Variants in CYBB observed in about 807,000 individuals in gnomAD.
CYBB encodes NADPH oxidase 2.
In CYBB, 5 loss-of-function variants were observed where a neutral mutation model predicts 46.5. That is an observed-to-expected ratio of 0.11 (90% CI 0.06 to 0.23). The LOEUF (loss-of-function observed/expected upper bound fraction) is 0.23. Among genes scored for constraint, CYBB ranks in the 10% least tolerant of loss-of-function variants. CYBB has a pLI of 1.00. For missense variants in CYBB, 307 were observed against 428.3 expected (o/e 0.72, Z 2.50); for synonymous variants, 183 against 156.7 (o/e 1.17, Z -1.26).
intron 3 of CYBB, 42 bp downstream of exon 3, chrX:37,783,642 GC>G: frequency 1.1e-6 from 1 of 939,498 alleles, no homozygotes; most frequent in Non-Finnish European, 1.5e-6. Context: ...ATTTTCAAAG[GC>G]CATCAAGCAA....
chrX:37,786,997 A>G (rs1556465712), intron 3 of CYBB, among the ~76,000 whole-genome samples: 1 of 111,320 alleles, frequency 9.0e-6, no homozygotes, highest in Non-Finnish European at 1.9e-5. Flanking sequence ...AAGTCTGTCA[A>G]TTAGTGAGTT....
chrX:37,795,923 T>G (rs1457464833), intron 5 of CYBB, 28 bp from the exon 6 acceptor site: 1 of 979,142 alleles, frequency 1.0e-6, no homozygotes, highest in Non-Finnish European at 1.4e-6. Context: ...TGTGTGTGTG[T>G]GTGTGTGTGT....
At chrX:37,793,115 A>G (rs782267507) in intron 4 of CYBB, among the ~76,000 whole-genome samples, 49 of 105,119 alleles carry the variant, frequency 4.7e-4, no homozygotes, top group African/African-American at 1.6e-3. Flanking sequence ...AGTAAGCCCT[A>G]TGTAAGTGTT....
chrX:37,795,866 A>T (rs1929289453), intron 5 of CYBB, 85 bp from the exon 6 acceptor site: 8 of 708,901 alleles, frequency 1.1e-5, no homozygotes. Flanking sequence ...GCATTTGAGA[A>T]CCTATAATAT....
intron 10 of CYBB, among the ~76,000 whole-genome samples, chrX:37,805,559 CATT>C (rs1929542083): frequency 9.0e-6 from 1 of 111,487 alleles, no homozygotes; most frequent in Non-Finnish European, 1.9e-5. Flanking sequence ...TTTAAAAAAA[CATT>C]ATAGAAAGTG....
intron 8 of CYBB, 110 bp from the exon 9 acceptor site, chrX:37,803,767 A>G: frequency 3.8e-6 from 3 of 779,347 alleles, no homozygotes. Flanking sequence ...GTTGTCCCTA[A>G]AGCAGAGATC....
At chrX:37,805,740 A>G (rs1312389693) in intron 10 of CYBB, among the ~76,000 whole-genome samples, 4 of 110,530 alleles carry the variant, frequency 3.6e-5, no homozygotes, top group Non-Finnish European at 7.6e-5. Flanking sequence ...TTTTTTGCAA[A>G]GGGAGGAGAG....
intron 9 of CYBB, 79 bp downstream of exon 9, chrX:37,804,209 T>C (rs782460760): frequency 1.3e-5 from 13 of 1,031,487 alleles, no homozygotes; most frequent in Non-Finnish European, 1.6e-5. Flanking sequence ...CTCCATGTTT[T>C]ACTAAGTCTC....
chrX:37,806,854 C>T (rs1929571951), intron 11 of CYBB, among the ~76,000 whole-genome samples: 1 of 108,085 alleles, frequency 9.3e-6, no homozygotes, highest in East Asian at 2.9e-4. Context: ...TTCTCTTTCT[C>T]TCTGTCTCTC....
At chrX:37,806,301 TTA>T (rs1929558338) in intron 10 of CYBB, 84 bp from the exon 11 acceptor site, 1 of 1,005,893 alleles carries the variant, frequency 9.9e-7, no homozygotes, top group African/African-American at 1.9e-5. Flanking sequence ...AAGAAAAAGT[TTA>T]GGTGACAGAA....
intron 8 of CYBB, among the ~76,000 whole-genome samples, chrX:37,802,396 T>C (rs1307813832): frequency 8.9e-6 from 1 of 111,855 alleles, no homozygotes; most frequent in Non-Finnish European, 1.9e-5. Context: ...GGAAAACTTG[T>C]TTTCCTTTGA....
chrX:37,785,069 C>T (rs1340126900), intron 3 of CYBB, among the ~76,000 whole-genome samples: 2 of 112,110 alleles, frequency 1.8e-5, no homozygotes, highest in Non-Finnish European at 3.8e-5. Flanking sequence ...TAATATAGGA[C>T]TAGAGGCTAT....
At chrX:37,802,572 G>A (rs1211983787) in intron 8 of CYBB, among the ~76,000 whole-genome samples, 1 of 111,472 alleles carries the variant, frequency 9.0e-6, no homozygotes, top group African/African-American at 3.3e-5. Context: ...ACACAAAATT[G>A]CAACATGGTA....
chrX:37,780,630 C>T (rs1475963694), intron 1 of CYBB, among the ~76,000 whole-genome samples: 1 of 110,294 alleles, frequency 9.1e-6, no homozygotes, highest in Non-Finnish European at 1.9e-5. Context: ...GAGATCTAAA[C>T]TTGAGTTATT....
chrX:37,792,979 G>A (rs782219737), intron 4 of CYBB, among the ~76,000 whole-genome samples: 161 of 109,284 alleles, frequency 1.5e-3, no homozygotes, highest in African/African-American at 5.3e-3. Context: ...CTTGAACAAG[G>A]TTTTAAAGCA....
chrX:37,785,499 C>T (rs1929046290), intron 3 of CYBB, among the ~76,000 whole-genome samples: 2 of 112,110 alleles, frequency 1.8e-5, no homozygotes, highest in South Asian at 3.6e-4. Context: ...TAAAGTATAA[C>T]GTTTAATATA....
chrX:37,797,236 A>G (rs1556468695), intron 6 of CYBB, among the ~76,000 whole-genome samples: 1 of 111,905 alleles, frequency 8.9e-6, no homozygotes, highest in Non-Finnish European at 1.9e-5. Context: ...GGAGAAATCA[A>G]TGGAGACCAA....
At chrX:37,795,409 C>A (rs781902665) in intron 5 of CYBB, among the ~76,000 whole-genome samples, 6 of 111,807 alleles carry the variant, frequency 5.4e-5, no homozygotes, top group African/African-American at 1.9e-4. Flanking sequence ...TGATTTCACC[C>A]CCTTGCTTGA....
chrX:37,795,567 T>A (rs782613614), intron 5 of CYBB, among the ~76,000 whole-genome samples: 1 of 111,800 alleles, frequency 8.9e-6, no homozygotes, highest in African/African-American at 3.2e-5. Flanking sequence ...CAGAATATAT[T>A]TGCAAACTAA....
Sources: gnomAD v4.1 joint callset for allele counts (sites outside exome capture counted in the v4.1 genomes callset) on GRCh38, gnomAD v4.1.1 for gene constraint, MANE v1.5 for transcripts, NCBI Gene and HGNC (gene_info 2026-07-23, HGNC 2026-07-21) for gene names.